The following ANKRD44 variants were observed in gnomAD, a reference collection of about 807,000 sequenced individuals.
ANKRD44 encodes the protein serine/threonine-protein phosphatase 6 regulatory ankyrin repeat subunit B.
A neutral mutation model predicts 116.0 loss-of-function variants in ANKRD44; 35 were observed. The observed-to-expected ratio is 0.30, with a 90% CI of 0.23 to 0.40. The LOEUF (loss-of-function observed/expected upper bound fraction) is 0.40, where lower values mean the gene tolerates loss of function less well. Among genes scored for constraint, ANKRD44 ranks in the 10% least tolerant of loss-of-function variants. The pLI, the probability that ANKRD44 is intolerant of heterozygous loss-of-function variation, is 1.00. For missense variants in ANKRD44, 1,014 were observed against 1,242.6 expected, an observed-to-expected ratio of 0.82 and a Z score of 2.77; for synonymous variants, 435 against 461.8, an observed-to-expected ratio of 0.94 and a Z score of 0.74.
At chr2:197,109,144 G>A (rs2078506373) in intron 9 of ANKRD44, among the ~76,000 whole-genome samples, 1 of 152,190 alleles carries the variant, frequency 6.6e-6, no homozygotes, top group African/African-American at 2.4e-5. Flanking sequence ...CTCTAAAAGG[G>A]AACCAAGCTG....
At chr2:196,996,459 C>T (rs1046106632) in intron 25 of ANKRD44, among the ~76,000 whole-genome samples, 4 of 152,132 alleles carry the variant, frequency 2.6e-5, no homozygotes, top group East Asian at 1.9e-4. Context: ...AATAAATCAC[C>T]GCCATGGGTG....
At chr2:197,154,778 T>C (rs912189571) in intron 2 of ANKRD44, among the ~76,000 whole-genome samples, 1 of 152,178 alleles carries the variant, frequency 6.6e-6, no homozygotes, top group African/African-American at 2.4e-5. Context: ...AAAGCTGAAT[T>C]TTCCTTGTGT....
intron 1 of ANKRD44, among the ~76,000 whole-genome samples, chr2:197,202,194 A>G (rs1415477600): frequency 3.3e-5 from 5 of 152,186 alleles, no homozygotes; most frequent in South Asian, 2.1e-4. Context: ...ATTGTGACCA[A>G]TCAAAAATGA....
intron 4 of ANKRD44, among the ~76,000 whole-genome samples, chr2:197,130,812 A>C (rs532494909): frequency 1.6e-4 from 25 of 152,370 alleles, no homozygotes; most frequent in African/African-American, 5.5e-4. Flanking sequence ...AGGGTAGAAC[A>C]TAAGTTTTTA....
Position 197,078,041 on chromosome 2 carries a change from T to G in ANKRD44, c.1650+662A>C, listed in dbSNP as rs984875359. On this transcript the variant is annotated intron_variant, in intron 16 of 27. Transcript: ENST00000282272. ...ATGTTATTTCTATACAAAGAAGGTG[T>G]TAGGATAATTATCCTGAGTTTCTAG... is the stretch of plus-strand genomic sequence containing the variant. 4 of 152,214 alleles carry G rather than the reference T, an allele frequency of 2.6e-5. 1 individual carries two copies. Among genetic ancestry groups the G allele is most frequent in the Admixed American group, 2.6e-4 (4 of 15,264 alleles). 9.4% of individuals were successfully genotyped at this position (152,214 alleles called of 1,614,324 possible). A position where few individuals can be genotyped will look rare whatever the true frequency, so the allele number is the denominator to read the frequency against.
At chr2:197,304,511 T>A (rs113465709) in intron 1 of ANKRD44, among the ~76,000 whole-genome samples, 2,987 of 152,242 alleles carry the variant, frequency 0.02, 38 homozygotes, top group Non-Finnish European at 0.033. Context: ...TAGGCACATT[T>A]GTAAGAAATG....
rs574585781 is a variant in ANKRD44, at chr2:197,285,944, T to C, written c.27+24634A>G. ...GTGCCCAGTGGCAGTAATTCAACCA[T>C]TCCATCTCTCACACAAAATGCCTGA... is the stretch of plus-strand genomic sequence containing the variant. On this transcript the variant is annotated intron_variant, in intron 1 of 27. Transcript: ENST00000282272. 7.2e-5 allele frequency among the ~76,000 whole-genome samples: 11 copies of C among 152,352 alleles called. No individual in the cohort carries two copies. In the East Asian group the frequency reaches 2.1e-3, roughly 29 times the overall value.
intron 8 of ANKRD44, among the ~76,000 whole-genome samples, chr2:197,116,046 T>C (rs1236774862): frequency 6.6e-6 from 1 of 152,122 alleles, no homozygotes; most frequent in Non-Finnish European, 1.5e-5. Flanking sequence ...AAAAAATAAA[T>C]ATTAAAATTA....
intron 1 of ANKRD44, among the ~76,000 whole-genome samples, chr2:197,202,360 C>T (rs1354008132): frequency 1.3e-5 from 2 of 151,220 alleles, no homozygotes; most frequent in Non-Finnish European, 2.9e-5. Context: ...CCAAAATGAT[C>T]GACTCCTCCA....
At chr2:197,208,420 C>A (rs138922865) in intron 1 of ANKRD44, among the ~76,000 whole-genome samples, 3 of 152,238 alleles carry the variant, frequency 2.0e-5, no homozygotes, top group Non-Finnish European at 4.4e-5. Flanking sequence ...TTCTAATATC[C>A]AGGTGGTTCA....
At chr2:197,246,171 GATTTTT>G (rs1180033886) in intron 1 of ANKRD44, among the ~76,000 whole-genome samples, 3 of 151,894 alleles carry the variant, frequency 2.0e-5, no homozygotes, top group Non-Finnish European at 4.4e-5. Flanking sequence ...CTAACTCCTA[GATTTTT>G]ATTTTTATTT....
At chr2:197,063,952 G>A (rs543244257) in intron 16 of ANKRD44, among the ~76,000 whole-genome samples, 41 of 152,122 alleles carry the variant, frequency 2.7e-4, no homozygotes, top group African/African-American at 8.9e-4. Context: ...TACAGAGAAC[G>A]CCACAAAGAT....
At chr2:197,023,716 C>G (rs1363373576) in intron 17 of ANKRD44, among the ~76,000 whole-genome samples, 1 of 152,168 alleles carries the variant, frequency 6.6e-6, no homozygotes, top group Non-Finnish European at 1.5e-5. Context: ...ACATAAGACT[C>G]TCTAGGGGCA....
At chr2:197,180,117 C>A (rs1424691361) in intron 2 of ANKRD44, among the ~76,000 whole-genome samples, 1 of 150,846 alleles carries the variant, frequency 6.6e-6, no homozygotes, top group Non-Finnish European at 1.5e-5. Context: ...GTTTAAAGTG[C>A]AGGCCACTGC....
chr2:197,021,960 G>C (rs1316012490), intron 17 of ANKRD44, among the ~76,000 whole-genome samples: 1 of 152,144 alleles, frequency 6.6e-6, no homozygotes, highest in African/African-American at 2.4e-5. Context: ...GCATAACATT[G>C]TTTCTTAATT....
At chr2:197,239,417 C>T (rs2082043874) in intron 1 of ANKRD44, among the ~76,000 whole-genome samples, 1 of 152,012 alleles carries the variant, frequency 6.6e-6, no homozygotes, top group African/African-American at 2.4e-5. Flanking sequence ...TTTTTGTAGA[C>T]ATGGGGTTTC....
At chr2:197,118,357 G>A (rs1365544421) in intron 8 of ANKRD44, among the ~76,000 whole-genome samples, 3 of 152,030 alleles carry the variant, frequency 2.0e-5, no homozygotes, top group Admixed American at 6.6e-5. Flanking sequence ...GGAGGCTGAG[G>A]TGGGTGGATT....
At chr2:197,138,695 T>C (rs1320036240) in intron 3 of ANKRD44, among the ~76,000 whole-genome samples, 4 of 152,192 alleles carry the variant, frequency 2.6e-5, no homozygotes, top group African/African-American at 7.2e-5. Flanking sequence ...CATTGTGTGG[T>C]AGATTTGACC....
chr2:197,214,207 C>A (rs746741616), intron 1 of ANKRD44, among the ~76,000 whole-genome samples: 2 of 151,980 alleles, frequency 1.3e-5, no homozygotes, highest in Admixed American at 1.3e-4. Context: ...AGAAAAAAAA[C>A]CAAAAGCTTC....
Sources: gnomAD v4.1 joint callset for allele counts (sites outside exome capture counted in the v4.1 genomes callset) on GRCh38, gnomAD v4.1.1 for gene constraint, MANE v1.5 for transcripts, NCBI Gene and HGNC (gene_info 2026-07-23, HGNC 2026-07-21) for gene names.